Variants in LAMA2 observed in about 807,000 individuals in gnomAD.
The protein encoded by LAMA2 is laminin subunit alpha 2, also known as laminin subunit alpha-2.
In LAMA2, 269 loss-of-function variants were observed where a neutral mutation model predicts 364.8. The observed-to-expected ratio is 0.74, with a 90% CI of 0.67 to 0.82. LAMA2 has a LOEUF of 0.82. Among genes scored for constraint, LAMA2 ranks in the 40% least tolerant of loss-of-function variants. The probability of loss-of-function intolerance (pLI) is 0.00; values close to 1 mark genes in which losing one functional copy is unlikely to be tolerated. For missense variants in LAMA2, 3,807 were observed against 3,873.2 expected (o/e 0.98, Z 0.45); for synonymous variants, 1,379 against 1,370.6 (o/e 1.01, Z -0.14).
At chr6:129,495,380 C>T (rs527393477) in intron 58 of LAMA2, among the ~76,000 whole-genome samples, 2 of 152,230 alleles carry the variant, frequency 1.3e-5, no homozygotes, top group East Asian at 3.9e-4. Flanking sequence ...GATCAGTATT[C>T]TTAAATTTGA....
chr6:129,297,746 G>C lies in LAMA2; in HGVS notation c.2918G>C (p.Gly973Ala), dbSNP rs1466385782. The C allele has an allele frequency of 6.2e-7, 1 of 1,614,032 alleles. No homozygotes were observed. Among genetic ancestry groups the C allele is most frequent in the Non-Finnish European group, 8.5e-7 (1 of 1,179,978 alleles). ...GTTCCCTGCAACTGCAATTCTTTTG[G>C]GTCTAAGTCATTCGACTGTGAAGAG... ...GCVPCNCNSF[G>A]SKSFDCEESG... Residue 973 changes from glycine (G) to alanine (A), a missense_variant, in exon 21 of 65, where the codon GGG becomes GCG. Physicochemically the swap from Gly to Ala is moderately conservative, Grantham distance 60 (BLOSUM62 0). Coordinates refer to ENST00000421865, the MANE Select transcript of LAMA2 (RefSeq NM_000426.4).
chr6:128,974,040 C>A (rs1782367340), intron 1 of LAMA2, among the ~76,000 whole-genome samples: 1 of 152,178 alleles, frequency 6.6e-6, no homozygotes, highest in African/African-American at 2.4e-5. Context: ...TGACCTAGTG[C>A]ACCATTTAAA....
intron 12 of LAMA2, among the ~76,000 whole-genome samples, chr6:129,194,469 T>C (rs776714001): frequency 5.3e-5 from 8 of 152,162 alleles, no homozygotes; most frequent in African/African-American, 9.7e-5. Context: ...ATCCCATTAG[T>C]AGTTGTTGGT....
At chr6:128,911,186 C>T (rs1777909864) in intron 1 of LAMA2, among the ~76,000 whole-genome samples, 1 of 152,168 alleles carries the variant, frequency 6.6e-6, no homozygotes, top group South Asian at 2.1e-4. Flanking sequence ...TTCCCGGCTG[C>T]TTTGTTTACC....
At chr6:129,152,718 C>T (rs759035159) in intron 7 of LAMA2, among the ~76,000 whole-genome samples, 7 of 152,138 alleles carry the variant, frequency 4.6e-5, no homozygotes, top group Non-Finnish European at 8.8e-5. Flanking sequence ...TCCCTCCACC[C>T]GGCATCCTTG....
At position 129,120,599 on chromosome 6, in the gene LAMA2, G is replaced by T. The variant is rs189548424; in HGVS notation, c.639+22184G>T. On this transcript the variant is annotated intron_variant, in intron 4 of 64. Transcript: ENST00000421865. Reference sequence around the variant, plus strand: ...TATACCACAAAACATCTGAACTTTAGATATTATTTATATGACCTTAAAAGT... The same window carrying T: ...TATACCACAAAACATCTGAACTTTATATATTATTTATATGACCTTAAAAGT... Among the ~76,000 whole-genome samples, 487 of 152,282 alleles carry T rather than the reference G, an allele frequency of 3.2e-3. 2 individuals carry two copies. The highest frequency in any genetic ancestry group is 0.011 in the African/African-American group (465 of 41,562).
chr6:129,342,514 T>C, intron 30 of LAMA2, 47 bp downstream of exon 30: 4 of 1,594,120 alleles, frequency 2.5e-6, no homozygotes, highest in Middle Eastern at 1.7e-4. Flanking sequence ...AAACGCCATC[T>C]GTCTAGCACA....
At chr6:129,043,234 C>G (rs1468930268) in intron 1 of LAMA2, among the ~76,000 whole-genome samples, 1 of 152,136 alleles carries the variant, frequency 6.6e-6, no homozygotes, top group East Asian at 1.9e-4. Context: ...GGTCCAGTTA[C>G]TGTGATCTCT....
chr6:129,231,078 G>A (rs1163085932), intron 12 of LAMA2, among the ~76,000 whole-genome samples: 1 of 152,022 alleles, frequency 6.6e-6, no homozygotes, highest in Non-Finnish European at 1.5e-5. Flanking sequence ...TATAATCCTT[G>A]ACAGTGCTTT....
intron 55 of LAMA2, among the ~76,000 whole-genome samples, chr6:129,484,117 T>C (rs1475294211): frequency 6.6e-6 from 1 of 152,152 alleles, no homozygotes; most frequent in African/African-American, 2.4e-5. Flanking sequence ...TTAAACTCTT[T>C]GGTCATCAAA....
chr6:129,100,971 A>G (rs1337291455), intron 4 of LAMA2, among the ~76,000 whole-genome samples: 1 of 152,222 alleles, frequency 6.6e-6, no homozygotes, highest in Non-Finnish European at 1.5e-5. Context: ...CTTTTCTCTA[A>G]CATTATCCAG....
At chr6:129,314,573 A>G in intron 23 of LAMA2, 82 bp from the exon 24 acceptor site, 1 of 1,301,456 alleles carries the variant, frequency 7.7e-7, no homozygotes, top group Non-Finnish European at 1.1e-6. Flanking sequence ...TAAAAAGAGT[A>G]TGCTCCCGTT....
In LAMA2 at chr6:129,143,986, G is replaced by A. The variant is rs373570586; in HGVS notation, c.725G>A (p.Arg242His). The A allele has an allele frequency of 6.0e-5, 96 of 1,612,326 alleles. No homozygotes were observed. In the Admixed American group the frequency reaches 7.2e-4, roughly 12 times the overall value. Residue 242 changes from arginine to histidine, a missense_variant, in exon 5 of 65, where the codon CGC (arginine) becomes CAC (histidine). By Grantham distance (29) the Arg-to-His change is conservative. Around this residue, in one of 3 missense-constraint regions of LAMA2, gnomAD observed 394 missense variants for 403.5 expected, o/e 0.98. Transcript: ENST00000421865. ...GAATTTACCTCCGCTCGCTATATTC[G>A]CCTGAGATTTCAGAGGATCCGCACA... ...LLEFTSARYI[R>H]LRFQRIRTLN...
At chr6:129,497,325 C>A (rs914551730) in intron 58 of LAMA2, among the ~76,000 whole-genome samples, 2 of 152,086 alleles carry the variant, frequency 1.3e-5, no homozygotes, top group Non-Finnish European at 2.9e-5. Flanking sequence ...GCAGCCTTAA[C>A]CTCCCAGGCT....
At chr6:129,093,284 C>T (rs1292130427) in intron 3 of LAMA2, among the ~76,000 whole-genome samples, 2 of 87,714 alleles carry the variant, frequency 2.3e-5, no homozygotes, top group African/African-American at 9.2e-5. Context: ...CCACCGTGCC[C>T]GGCCGAGGAT....
chr6:129,381,768 T>C (rs1202336837), intron 34 of LAMA2, among the ~76,000 whole-genome samples: 1 of 151,980 alleles, frequency 6.6e-6, no homozygotes, highest in Admixed American at 6.6e-5. Flanking sequence ...CTCTCCAAAT[T>C]ATTGTGTATA....
chr6:129,106,545 G>T (rs561104185), intron 4 of LAMA2, among the ~76,000 whole-genome samples: 11 of 151,990 alleles, frequency 7.2e-5, no homozygotes, highest in African/African-American at 2.4e-4. Flanking sequence ...GGGGTTTCAG[G>T]CTTCCTTTCT....
chr6:129,516,322 A>G lies in LAMA2; in HGVS notation c.9344A>G (p.Gln3115Arg). ...FAKALELRGV[Q>R]PVSCPAN ...AAGGCCCTGGAACTGAGGGGCGTTCAACCTGTATCATGCCCAGCCAACTAA... is the reference window on the plus strand; with the variant it reads ...AAGGCCCTGGAACTGAGGGGCGTTCGACCTGTATCATGCCCAGCCAACTAA... The change falls in exon 65 of 65, where the codon CAA (glutamine) becomes CGA (arginine). Residue 3115 changes from glutamine (Q) to arginine (R), a missense_variant. By Grantham distance (43) the Gln-to-Arg change is conservative. Around this residue, in one of 3 missense-constraint regions of LAMA2, gnomAD observed 3,333 missense variants for 3,345.7 expected, o/e 1.00. Transcript: ENST00000421865. The G allele has an allele frequency of 6.2e-7, 1 of 1,614,126 alleles. No homozygotes were observed.
chr6:129,251,973 T>G (rs929711050), intron 13 of LAMA2, 111 bp from the exon 14 acceptor site: 1 of 672,570 alleles, frequency 1.5e-6, no homozygotes, highest in Non-Finnish European at 2.5e-6. Flanking sequence ...ACATAAATTT[T>G]TAAAGTTAAA....
Sources: allele counts gnomAD v4.1 joint callset (sites outside exome capture counted in the v4.1 genomes callset), GRCh38; gene constraint gnomAD v4.1.1; regional missense constraint gnomAD v4.1.1; transcripts MANE v1.5; gene names NCBI Gene and HGNC (gene_info 2026-07-23, HGNC 2026-07-21).